UBE2E2: variants seen among roughly 807,000 people sequenced by gnomAD.
UBE2E2 encodes ubiquitin-conjugating enzyme E2 E2.
Under a neutral mutation model 24.7 loss-of-function variants are expected in UBE2E2, and 6 were observed. The observed-to-expected ratio is 0.24, with a 90% CI of 0.13 to 0.48. UBE2E2 has a LOEUF of 0.48. UBE2E2 is among the 20% of genes least tolerant of loss of function. The pLI is 0.99. For synonymous variants in UBE2E2, 104 were observed against 83.6 expected, an observed-to-expected ratio of 1.24 and a Z score of -1.33; for missense variants, 169 against 245.0, an observed-to-expected ratio of 0.69 and a Z score of 2.07.
At chr3:23,418,510 T>C (rs1196251331) in intron 3 of UBE2E2, among the ~76,000 whole-genome samples, 4 of 152,208 alleles carry the variant, frequency 2.6e-5, no homozygotes, top group Non-Finnish European at 4.4e-5. Flanking sequence ...CAGGCTCTAA[T>C]TTTTGTATTT....
intron 3 of UBE2E2, among the ~76,000 whole-genome samples, chr3:23,400,529 A>C (rs936446696): frequency 5.9e-5 from 9 of 151,678 alleles, no homozygotes; most frequent in African/African-American, 2.2e-4. Flanking sequence ...GCATTCTGTG[A>C]ATAGGAGCAT....
chr3:23,208,176 T>G (rs902672748), intron 1 of UBE2E2, among the ~76,000 whole-genome samples: 3 of 152,070 alleles, frequency 2.0e-5, no homozygotes, highest in Admixed American at 6.6e-5. Flanking sequence ...CCCAAAACAT[T>G]GGGGATTACA....
At chr3:23,351,553 T>C (rs1292381555) in intron 3 of UBE2E2, among the ~76,000 whole-genome samples, 1 of 151,670 alleles carries the variant, frequency 6.6e-6, no homozygotes, top group Non-Finnish European at 1.5e-5. Flanking sequence ...ACCAAGCAAA[T>C]GGAAAACGAA....
chr3:23,435,631 G>A (rs1347342689), intron 3 of UBE2E2, among the ~76,000 whole-genome samples: 1 of 152,206 alleles, frequency 6.6e-6, no homozygotes, highest in Non-Finnish European at 1.5e-5. Flanking sequence ...GGCAGGCTTT[G>A]TAGTATCAAG....
At chr3:23,442,840 A>G (rs947140442) in intron 3 of UBE2E2, among the ~76,000 whole-genome samples, 1 of 152,182 alleles carries the variant, frequency 6.6e-6, no homozygotes, top group Non-Finnish European at 1.5e-5. Context: ...GTTTCCCCTC[A>G]GAGGAATGTG....
intron 4 of UBE2E2, among the ~76,000 whole-genome samples, chr3:23,525,012 T>G (rs763381353): frequency 1.3e-5 from 2 of 152,176 alleles, no homozygotes; most frequent in Non-Finnish European, 2.9e-5. Context: ...ATCAAGGTAT[T>G]AGCATGGCTG....
intron 1 of UBE2E2, among the ~76,000 whole-genome samples, chr3:23,205,711 T>C (rs2125313839): frequency 6.6e-6 from 1 of 152,334 alleles, no homozygotes; most frequent in Middle Eastern, 3.4e-3. Context: ...AAAGTGGGAA[T>C]AATTCTTTTC....
chr3:23,306,217 C>G (rs1285540723), intron 3 of UBE2E2, among the ~76,000 whole-genome samples: 2 of 152,186 alleles, frequency 1.3e-5, no homozygotes, highest in Non-Finnish European at 2.9e-5. Flanking sequence ...CCAAAGCATT[C>G]TAAGTCTATT....
At chr3:23,375,804 A>G (rs1696507163) in intron 3 of UBE2E2, among the ~76,000 whole-genome samples, 1 of 152,214 alleles carries the variant, frequency 6.6e-6, no homozygotes, top group Admixed American at 6.5e-5. Flanking sequence ...ACAAGTGCAG[A>G]TACATGAAAA....
chr3:23,550,885 A>T (rs1406206678), intron 5 of UBE2E2, among the ~76,000 whole-genome samples: 1 of 152,224 alleles, frequency 6.6e-6, no homozygotes, highest in East Asian at 1.9e-4. Context: ...GGGATTGTAC[A>T]GAGAGAATGC....
At position 23,487,502 on chromosome 3, in the gene UBE2E2, T is replaced by C. The variant is rs557486788; in HGVS notation, c.228-12106T>C. ...TGCCTCCCCCACTGTGGCCAGTGTCTCCACAGTGGCCAATCCGGTTGCGCT... is the reference window on the plus strand; with the variant it reads ...TGCCTCCCCCACTGTGGCCAGTGTCCCCACAGTGGCCAATCCGGTTGCGCT... On this transcript the variant is annotated intron_variant, in intron 3 of 5. Transcript: ENST00000396703. 2.0e-5 allele frequency among the ~76,000 whole-genome samples: 3 copies of C among 152,256 alleles called. No individual in the cohort carries two copies. In the East Asian group the frequency reaches 5.8e-4, roughly 29 times the overall value.
chr3:23,587,907 G>A lies in UBE2E2; in HGVS notation c.509-1827G>A, dbSNP rs577419926. Among the ~76,000 whole-genome samples, 7 of 152,336 alleles carry A rather than the reference G, an allele frequency of 4.6e-5. No homozygotes were observed. In the South Asian group the frequency reaches 1.2e-3, roughly 27 times the overall value. On this transcript the variant is annotated intron_variant, in intron 5 of 5. Transcript: ENST00000396703. ...CCACATACTAAGTAGTCTACTAATT[G>A]TGATATAAGTGAATGTAGGAAACTG...
intron 5 of UBE2E2, among the ~76,000 whole-genome samples, chr3:23,565,177 T>C (rs1011498320): frequency 6.6e-6 from 1 of 152,140 alleles, no homozygotes; most frequent in Non-Finnish European, 1.5e-5. Context: ...AAAATGTGCA[T>C]CCCTCTGGGA....
At chr3:23,405,623 C>T (rs1697337519) in intron 3 of UBE2E2, among the ~76,000 whole-genome samples, 1 of 152,050 alleles carries the variant, frequency 6.6e-6, no homozygotes, top group Non-Finnish European at 1.5e-5. Context: ...ATAGAGGTGT[C>T]CAGGCTTTTG....
intron 3 of UBE2E2, among the ~76,000 whole-genome samples, chr3:23,483,920 C>T (rs1699308197): frequency 6.6e-6 from 1 of 152,156 alleles, no homozygotes; most frequent in East Asian, 1.9e-4. Flanking sequence ...ACAAGGTACA[C>T]AAACACAGCG....
chr3:23,364,862 A>G (rs1696214384), intron 3 of UBE2E2, among the ~76,000 whole-genome samples: 1 of 152,188 alleles, frequency 6.6e-6, no homozygotes, highest in Non-Finnish European at 1.5e-5. Flanking sequence ...CATAGAAGCA[A>G]AAGTCCCCAA....
At chr3:23,555,852 C>T (rs1695766136) in intron 5 of UBE2E2, among the ~76,000 whole-genome samples, 2 of 152,038 alleles carry the variant, frequency 1.3e-5, no homozygotes, top group Admixed American at 1.3e-4. Context: ...GCAAATAAAA[C>T]AGGAGTTACC....
At chr3:23,355,334 C>T (rs1319074309) in intron 3 of UBE2E2, among the ~76,000 whole-genome samples, 1 of 151,944 alleles carries the variant, frequency 6.6e-6, no homozygotes, top group Non-Finnish European at 1.5e-5. Context: ...ACATACGTAA[C>T]CTGTACATTG....
chr3:23,405,982 C>T (rs866091678), intron 3 of UBE2E2, among the ~76,000 whole-genome samples: 1 of 152,106 alleles, frequency 6.6e-6, no homozygotes, highest in South Asian at 2.1e-4. Context: ...AAAATCTCAG[C>T]CTTTTCTAAT....
Sources: gnomAD v4.1 joint callset for allele counts (sites outside exome capture counted in the v4.1 genomes callset) on GRCh38, gnomAD v4.1.1 for gene constraint, MANE v1.5 for transcripts, NCBI Gene and HGNC (gene_info 2026-07-23, HGNC 2026-07-21) for gene names.